The following MYCBP2 variants were observed in gnomAD, a reference collection of about 807,000 sequenced individuals.
The protein encoded by MYCBP2 is E3 ubiquitin-protein ligase MYCBP2.
Under a neutral mutation model 525.3 loss-of-function variants are expected in MYCBP2, and 120 were observed. That is an observed-to-expected ratio of 0.23 (90% CI 0.20 to 0.27). The LOEUF is 0.27. Ranked by LOEUF, MYCBP2 falls within the 10% of genes least tolerant of loss-of-function variation. The probability of loss-of-function intolerance (pLI) is 1.00; values close to 1 mark genes in which losing one functional copy is unlikely to be tolerated. For missense variants in MYCBP2, 4,149 were observed against 5,657.1 expected, an observed-to-expected ratio of 0.73 and a Z score of 8.55; for synonymous variants, 1,894 against 1,955.8, an observed-to-expected ratio of 0.97 and a Z score of 0.83.
At chr13:77,223,356 C>T (rs1335267428) in intron 20 of MYCBP2, among the ~76,000 whole-genome samples, 2 of 152,148 alleles carry the variant, frequency 1.3e-5, no homozygotes, top group Non-Finnish European at 2.9e-5. Flanking sequence ...CTACCCGATT[C>T]TTCCTTCTCT....
At chr13:77,309,701 A>C (rs2079921660) in intron 1 of MYCBP2, among the ~76,000 whole-genome samples, 1 of 152,210 alleles carries the variant, frequency 6.6e-6, no homozygotes, top group Admixed American at 6.5e-5. Flanking sequence ...AGTTACTGCA[A>C]CTGTCTCTTT....
At chr13:77,303,099 C>T (rs1047725170) in intron 1 of MYCBP2, among the ~76,000 whole-genome samples, 1 of 152,216 alleles carries the variant, frequency 6.6e-6, no homozygotes, top group African/African-American at 2.4e-5. Context: ...CTTTGGGAGG[C>T]CAAGGCAGGT....
intron 16 of MYCBP2, among the ~76,000 whole-genome samples, 185 bp downstream of exon 16, chr13:77,243,621 A>C (rs1224338464): frequency 1.0e-5 from 1 of 99,440 alleles, no homozygotes; most frequent in Non-Finnish European, 2.2e-5. Context: ...TCAAAAAAAG[A>C]AAAAAAAAAA....
chr13:77,321,925 T>C (rs1171391779), intron 1 of MYCBP2, among the ~76,000 whole-genome samples: 1 of 151,748 alleles, frequency 6.6e-6, no homozygotes, highest in Non-Finnish European at 1.5e-5. Flanking sequence ...CTTTGGGAGG[T>C]GGAGGTGGGA....
chr13:77,263,945 A>G lies in MYCBP2; in HGVS notation c.1415T>C (p.Ile472Thr). The G allele has an allele frequency of 6.2e-7, 1 of 1,612,580 alleles. No individual in the cohort carries two copies. The highest frequency in any genetic ancestry group is 8.5e-7 in the Non-Finnish European group (1 of 1,179,072). Residue 472 changes from isoleucine to threonine, a missense_variant, in exon 9 of 83, where the codon ATA becomes ACA. By Grantham distance (89) the Ile-to-Thr change is moderately conservative. Coordinates refer to ENST00000544440, the MANE Select transcript of MYCBP2 (RefSeq NM_015057.5). ...GATACTTACATCTCTTGAAGCAGCT[A>G]TCTGATTAATATATTCTCCATCAGT... ...LFTDGEYINQ[I>T]AASRDDGFVV...
At chr13:77,188,838 C>A in intron 30 of MYCBP2, 113 bp downstream of exon 30, 1 of 594,594 alleles carries the variant, frequency 1.7e-6, no homozygotes, top group Middle Eastern at 3.6e-4. Flanking sequence ...AAAACCAAAT[C>A]TGAGTTTATA....
chr13:77,214,310 A>G (rs955452981), intron 21 of MYCBP2, among the ~76,000 whole-genome samples: 1 of 152,234 alleles, frequency 6.6e-6, no homozygotes, highest in Non-Finnish European at 1.5e-5. Flanking sequence ...TCTCACTTCT[A>G]GGAATTTATC....
chr13:77,279,144 A>G (rs535548402), intron 3 of MYCBP2, among the ~76,000 whole-genome samples: 1 of 152,350 alleles, frequency 6.6e-6, no homozygotes, highest in African/African-American at 2.4e-5. Context: ...GTACTCAAGG[A>G]AAATTCAGTA....
intron 17 of MYCBP2, among the ~76,000 whole-genome samples, chr13:77,238,242 C>CAAAAAA (rs772175406): frequency 1.4e-3 from 40 of 28,140 alleles, no homozygotes; most frequent in East Asian, 4.3e-3. Flanking sequence ...GACTCCGTCT[C>CAAAAAA]AAAAAAAAAA....
At position 77,177,737 on chromosome 13, in the gene MYCBP2, G is replaced by A. The variant is rs1320923491; in HGVS notation, c.5340+11C>T. The A allele has an allele frequency of 6.3e-7, 1 of 1,597,644 alleles. No individual in the cohort carries two copies. The highest frequency in any genetic ancestry group is 8.6e-7 in the Non-Finnish European group (1 of 1,165,054). ...ACTAATCAGGATAAATACTAAAAGG[G>A]TGATACTTACATCATCAACCAACAC... On this transcript the variant is annotated intron_variant, in intron 35 of 82. Transcript: ENST00000544440.
intron 55 of MYCBP2, among the ~76,000 whole-genome samples, chr13:77,110,617 G>C (rs1010355016): frequency 1.3e-5 from 2 of 152,000 alleles, no homozygotes; most frequent in African/African-American, 4.8e-5. Flanking sequence ...ATAAAAACCT[G>C]CTTAATAAAA....
At chr13:77,070,508 G>A (rs1256043189) in intron 69 of MYCBP2, 123 bp downstream of exon 69, 1 of 584,846 alleles carries the variant, frequency 1.7e-6, no homozygotes, top group East Asian at 2.9e-5. Flanking sequence ...ATATGGCCCA[G>A]GGAAGCCAAA....
Position 77,089,044 on chromosome 13 carries a change from AAG to A in MYCBP2, c.10526-15_10526-14del. On this transcript the variant is annotated splice_polypyrimidine_tract_variant and intron_variant, in intron 60 of 82. Transcript: ENST00000544440. Reference sequence around the variant, plus strand: ...GAAGAACCAACTTCTATTAAAGAAAAAGAAAATTATTAATTTTCATAGGCAGT... The same window carrying A: ...GAAGAACCAACTTCTATTAAAGAAAAAAAATTATTAATTTTCATAGGCAGT... 1 of 1,589,804 alleles carries A rather than the reference AAG, an allele frequency of 6.3e-7. No individual in the cohort carries two copies. Among genetic ancestry groups the A allele is most frequent in the African/African-American group, 1.4e-5 (1 of 73,626 alleles).
chr13:77,199,940 G>GA (rs2062276138), intron 26 of MYCBP2, among the ~76,000 whole-genome samples: 1 of 152,142 alleles, frequency 6.6e-6, no homozygotes, highest in Non-Finnish European at 1.5e-5. Context: ...CAAAGATGGG[G>GA]AAAAAACAGA....
rs1460057127 is a variant in MYCBP2 at position 77,045,433 on chromosome 13, G to A, written c.13982C>T (p.Thr4661Ile). Residue 4661 changes from threonine to isoleucine, a missense_variant, in exon 83 of 83, where the codon ACT (threonine) becomes ATT (isoleucine). Transcript: ENST00000544440. ...ECPLHVVHPP[T>I]GEEFALGCGV... ...ACATCCCAGAGCAAACTCTTCCCCA[G>A]TGGGTGGATGAACAACATGGAGTGG... The A allele has an allele frequency of 6.2e-7, 1 of 1,614,154 alleles. No individual in the cohort carries two copies. The highest frequency in any genetic ancestry group is 8.5e-7 in the Non-Finnish European group (1 of 1,180,028).
intron 29 of MYCBP2, among the ~76,000 whole-genome samples, chr13:77,189,906 T>C (rs1267690964): frequency 6.6e-6 from 1 of 152,090 alleles, no homozygotes; most frequent in Non-Finnish European, 1.5e-5. Context: ...CCATCTTCCC[T>C]GCAATCTCAC....
chr13:77,206,806 C>G lies in MYCBP2; in HGVS notation c.3436G>C (p.Glu1146Gln). Residue 1146 changes from glutamate (E) to glutamine (Q), a missense_variant, in exon 24 of 83, where the codon GAG becomes CAG. Glu to Gln is a conservative substitution (Grantham distance 29, BLOSUM62 2). This residue lies in a region of MYCBP2 where 620 missense variants were observed against 795.5 expected (regional missense o/e 0.78). Transcript: ENST00000544440. ...ACCACCGCATTGTAACACCACAGCT[C>G]TCTAGTATTTGGTCGAAACCTTTAA... ...VIWRFRPNTRELWCYNAVVAD... is the reference protein window; with the variant it reads ...VIWRFRPNTRQLWCYNAVVAD... 6.2e-7 allele frequency: 1 copy of G among 1,603,212 alleles called. No individual in the cohort carries two copies. The highest frequency in any genetic ancestry group is 1.1e-5 in the South Asian group (1 of 88,910).
chr13:77,049,593 G>A (rs1410756113), intron 82 of MYCBP2, among the ~76,000 whole-genome samples: 2 of 151,730 alleles, frequency 1.3e-5, no homozygotes. Context: ...TGACTAGATA[G>A]TCTCATTTTC....
intron 55 of MYCBP2, among the ~76,000 whole-genome samples, chr13:77,113,763 C>T (rs375098777): frequency 6.6e-6 from 1 of 152,108 alleles, no homozygotes; most frequent in East Asian, 1.9e-4. Context: ...GAGAAGATGG[C>T]TCAGCTCAGT....
Sources: gnomAD v4.1 joint callset for allele counts (sites outside exome capture counted in the v4.1 genomes callset) on GRCh38, gnomAD v4.1.1 for gene constraint, gnomAD v4.1.1 regional missense constraint, MANE v1.5 for transcripts, NCBI Gene and HGNC (gene_info 2026-07-23, HGNC 2026-07-21) for gene names.